Variants in GLCCI1 observed in about 807,000 individuals in gnomAD.
The protein encoded by GLCCI1 is glucocorticoid induced 1.
GLCCI1 carries 24 observed loss-of-function variants against 52.2 expected under a neutral mutation model. That is an observed-to-expected ratio of 0.46 (90% confidence interval 0.33 to 0.65). The LOEUF (loss-of-function observed/expected upper bound fraction) is 0.65, where lower values mean the gene tolerates loss of function less well. Among genes scored for constraint, GLCCI1 ranks in the 30% least tolerant of loss-of-function variants. GLCCI1 has a pLI of 0.02. For synonymous variants in GLCCI1, 310 were observed against 276.5 expected (o/e 1.12, Z -1.20); for missense variants, 704 against 701.5 (o/e 1.00, Z -0.04).
At chr7:8,067,565 T>G (rs569914463) in intron 5 of GLCCI1, among the ~76,000 whole-genome samples, 2 of 152,332 alleles carry the variant, frequency 1.3e-5, no homozygotes, top group South Asian at 4.1e-4. Context: ...AAGGCAGGTC[T>G]GGTAGTAATG....
At chr7:8,038,101 G>T (rs1273144280) in intron 3 of GLCCI1, among the ~76,000 whole-genome samples, 1 of 152,096 alleles carries the variant, frequency 6.6e-6, no homozygotes, top group Non-Finnish European at 1.5e-5. Flanking sequence ...TCTCATTAGT[G>T]CATGGAACAG....
intron 6 of GLCCI1, among the ~76,000 whole-genome samples, chr7:8,076,850 A>C (rs1176563583): frequency 1.3e-5 from 2 of 152,160 alleles, no homozygotes; most frequent in Non-Finnish European, 2.9e-5. Flanking sequence ...TTGAGTATTA[A>C]GACCTTTGTT....
chr7:8,062,204 A>C (rs1007658166), intron 5 of GLCCI1, among the ~76,000 whole-genome samples: 4 of 152,210 alleles, frequency 2.6e-5, no homozygotes, highest in Non-Finnish European at 2.9e-5. Flanking sequence ...CTACAAACTT[A>C]TAATTTTTAG....
chr7:7,989,258 A>G (rs1780794585), intron 1 of GLCCI1, among the ~76,000 whole-genome samples: 1 of 141,240 alleles, frequency 7.1e-6, no homozygotes, highest in South Asian at 2.2e-4. Context: ...ATGCTATTGG[A>G]GCCACCTTGA....
At chr7:8,022,441 A>C (rs758061674) in intron 2 of GLCCI1, 42 bp from the exon 3 acceptor site, 17 of 1,100,058 alleles carry the variant, frequency 1.5e-5, no homozygotes, top group Non-Finnish European at 2.1e-5. Flanking sequence ...TAGGAAGTAG[A>C]GATAAAATTT....
At chr7:7,988,442 G>A (rs1014428776) in intron 1 of GLCCI1, among the ~76,000 whole-genome samples, 1 of 152,030 alleles carries the variant, frequency 6.6e-6, no homozygotes. Flanking sequence ...GGAAAACAGT[G>A]CACTCCTCTA....
At position 7,969,721 on chromosome 7, in the gene GLCCI1, C is replaced by T. The variant is rs753549912; in HGVS notation, c.371C>T (p.Ala124Val). Residue 124 changes from alanine (A) to valine (V), a missense_variant, in exon 1 of 8, where the codon GCC becomes GTC. Around this residue, in one of 3 missense-constraint regions of GLCCI1, gnomAD observed 547 missense variants for 524.8 expected, o/e 1.04. Coordinates refer to ENST00000223145, the MANE Select transcript of GLCCI1 (RefSeq NM_138426.4). The surrounding 1 kb of genome is among the most constrained non-coding windows in gnomAD (Gnocchi z 4.9). ...GCCCCGGCCGAGCAGGCGCCGCGGGCCAAGGGCCGCCCGAGACGGTCCCCA... is the reference window on the plus strand; with the variant it reads ...GCCCCGGCCGAGCAGGCGCCGCGGGTCAAGGGCCGCCCGAGACGGTCCCCA... ...AAAPAEQAPR[A>V]KGRPRRSPES... The T allele has an allele frequency of 5.2e-5, 73 of 1,402,214 alleles. No homozygotes were observed. The East Asian group carries it at 2.4e-3, about 46-fold the overall frequency. The allele number at this position is 1,402,214 out of a possible 1,614,324, so 86.9% of individuals were successfully genotyped here. A position where few individuals can be genotyped will look rare whatever the true frequency, so the allele number is the denominator to read the frequency against.
chr7:7,990,644 C>A (rs1164128465), intron 1 of GLCCI1, among the ~76,000 whole-genome samples: 1 of 151,944 alleles, frequency 6.6e-6, no homozygotes, highest in Admixed American at 6.6e-5. Context: ...TTACTCGTGG[C>A]CTCTACAAAA....
chr7:8,017,135 C>G (rs1363332945), intron 2 of GLCCI1, among the ~76,000 whole-genome samples: 2 of 152,330 alleles, frequency 1.3e-5, no homozygotes, highest in African/African-American at 2.4e-5. Flanking sequence ...CTTAGGAAAG[C>G]TACTCCCTCC....
intron 5 of GLCCI1, among the ~76,000 whole-genome samples, chr7:8,066,961 G>T (rs2127963162): frequency 6.6e-6 from 1 of 152,188 alleles, no homozygotes; most frequent in African/African-American, 2.4e-5. Flanking sequence ...TCAGTGATCT[G>T]GCTAATACTG....
intron 3 of GLCCI1, among the ~76,000 whole-genome samples, chr7:8,044,198 G>A (rs781749634): frequency 1.3e-5 from 2 of 152,020 alleles, no homozygotes; most frequent in Non-Finnish European, 2.9e-5. Context: ...ACCTGCGTCA[G>A]CCTCCCAAAG....
chr7:7,998,467 C>T (rs978677080), intron 1 of GLCCI1, among the ~76,000 whole-genome samples: 3 of 152,188 alleles, frequency 2.0e-5, no homozygotes, highest in Non-Finnish European at 4.4e-5. Flanking sequence ...CCACCCACCT[C>T]GGCCTCCCAG....
intron 1 of GLCCI1, among the ~76,000 whole-genome samples, chr7:7,997,061 G>A (rs1725716845): frequency 6.6e-6 from 1 of 152,186 alleles, no homozygotes. Context: ...ATTAATGGCT[G>A]TTGAAGTGCT....
chr7:8,061,057 C>T (rs1046603398), intron 5 of GLCCI1, among the ~76,000 whole-genome samples: 5 of 150,672 alleles, frequency 3.3e-5, no homozygotes, highest in Admixed American at 6.6e-5. Context: ...ATTTGCATTT[C>T]GTAATGGCTG....
At chr7:8,008,535 T>C (rs1781201605) in intron 2 of GLCCI1, among the ~76,000 whole-genome samples, 1 of 152,134 alleles carries the variant, frequency 6.6e-6, no homozygotes, top group Admixed American at 6.5e-5. Flanking sequence ...CCTCAAGTGA[T>C]CCACTAGACT....
intron 2 of GLCCI1, among the ~76,000 whole-genome samples, chr7:8,019,334 A>G (rs1382086625): frequency 6.6e-6 from 1 of 152,218 alleles, no homozygotes; most frequent in African/African-American, 2.4e-5. Context: ...AAATAGGCAC[A>G]TGTGGCTAGT....
At position 8,066,890 on chromosome 7, in the gene GLCCI1, A is replaced by G. The variant is rs112355823; in HGVS notation, c.967-4031A>G. 2.6e-4 allele frequency among the ~76,000 whole-genome samples: 40 copies of G among 152,246 alleles called. 1 individual carries two copies. The highest frequency in any genetic ancestry group is 5.8e-4 in the African/African-American group (24 of 41,538). ...GGGTTGAAGAGTTCTGTAGATGTCT[A>G]TTCAGTTCATTTGGTCAAGTGTTGA... On this transcript the variant is annotated intron_variant, in intron 5 of 7. Coordinates refer to ENST00000223145, the MANE Select transcript of GLCCI1 (RefSeq NM_138426.4).
At chr7:8,019,610 G>A (rs910728359) in intron 2 of GLCCI1, among the ~76,000 whole-genome samples, 1 of 151,958 alleles carries the variant, frequency 6.6e-6, no homozygotes, top group African/African-American at 2.4e-5. Context: ...GGCATTCATC[G>A]CTGTGCGAAC....
chr7:8,022,317 G>A (rs1781513590), intron 2 of GLCCI1, among the ~76,000 whole-genome samples, 166 bp from the exon 3 acceptor site: 1 of 152,096 alleles, frequency 6.6e-6, no homozygotes, highest in Non-Finnish European at 1.5e-5. Flanking sequence ...GAATATGGCA[G>A]AATATTTTAA....
Sources: allele counts gnomAD v4.1 joint callset (sites outside exome capture counted in the v4.1 genomes callset), GRCh38; gene constraint gnomAD v4.1.1; regional missense constraint gnomAD v4.1.1; non-coding constraint Gnocchi (gnomAD v3.1); transcripts MANE v1.5; gene names NCBI Gene and HGNC (gene_info 2026-07-23, HGNC 2026-07-21).